GPR158: variants seen among roughly 807,000 people sequenced by gnomAD.
GPR158 encodes the protein G protein-coupled receptor 158, also known as metabotropic glycine receptor.
GPR158 carries 30 observed loss-of-function variants against 78.2 expected under a neutral mutation model. The ratio of observed to expected loss-of-function variants is 0.38; its 90% CI spans 0.29 to 0.52. The LOEUF (loss-of-function observed/expected upper bound fraction) is 0.52, where lower values mean the gene tolerates loss of function less well. GPR158 is among the 20% of genes least tolerant of loss of function. The pLI is 0.83. For synonymous variants in GPR158, 581 were observed against 591.1 expected (o/e 0.98, Z 0.25); for missense variants, 1,463 against 1,523.5 (o/e 0.96, Z 0.66).
intron 1 of GPR158, among the ~76,000 whole-genome samples, chr10:25,209,635 GT>G (rs78189613): frequency 6.6e-6 from 1 of 152,092 alleles, no homozygotes; most frequent in African/African-American, 2.4e-5. Flanking sequence ...TTAGTTAACT[GT>G]TGATATTATA....
chr10:25,539,521 A>ATTTTT (rs35477926), intron 5 of GPR158, among the ~76,000 whole-genome samples: 1 of 141,450 alleles, frequency 7.1e-6, no homozygotes, highest in Non-Finnish European at 1.5e-5. Flanking sequence ...ACCCCTTTTA[A>ATTTTT]TTTTTTTTTT....
At position 25,412,353 on chromosome 10, in the gene GPR158, C is replaced by G. The variant is rs748595841; in HGVS notation, c.1215C>G (p.Asp405Glu). The G allele has an allele frequency of 1.9e-6, 3 of 1,613,692 alleles. No individual in the cohort carries two copies. The highest frequency in any genetic ancestry group is 4.5e-5 in the East Asian group (2 of 44,882). The change falls in exon 4 of 11, where the codon GAC (aspartate) becomes GAG (glutamate). Residue 405 changes from aspartate (D) to glutamate (E), a missense_variant. Transcript: ENST00000376351. ...CREGCPFCAD[D>E]SPCFVQEDKY... The stretch of plus-strand genomic sequence containing the variant: ...AGGGCTGCCCCTTCTGTGCTGATGA[C>G]AGCCCATGCTTCGTCCAGGAAGATA...
intron 2 of GPR158, among the ~76,000 whole-genome samples, chr10:25,363,833 T>TA: frequency 6.6e-6 from 1 of 151,958 alleles, no homozygotes; most frequent in Middle Eastern, 3.4e-3. Context: ...ACCCTCAGGG[T>TA]CCATGGCAAC....
At chr10:25,526,103 T>TAAAA (rs4017850) in intron 5 of GPR158, among the ~76,000 whole-genome samples, 18 of 69,202 alleles carry the variant, frequency 2.6e-4, no homozygotes, top group African/African-American at 8.3e-4. Context: ...CAATTTTGTC[T>TAAAA]AAAAAAAAAA....
Position 25,175,411 on chromosome 10 carries a change from T to C in GPR158, c.-10T>C. The stretch of plus-strand genomic sequence containing the variant: ...CCCTCCCGTTCCCTCCTCTTCTCTC[T>C]GGGAGGCAGATGGGAGCCATGGCTT... On this transcript the variant is annotated 5_prime_UTR_variant, in exon 1 of 11. Coordinates refer to ENST00000376351, the MANE Select transcript of GPR158 (RefSeq NM_020752.3). The surrounding 1 kb of genome is among the most constrained non-coding windows in gnomAD (Gnocchi z 6.4). The C allele has an allele frequency of 2.0e-6, 3 of 1,499,616 alleles. No individual in the cohort carries two copies. Among genetic ancestry groups the C allele is most frequent in the Non-Finnish European group, 2.7e-6 (3 of 1,115,358 alleles). The allele number at this position is 1,499,616 out of a possible 1,614,324, so 92.9% of individuals were successfully genotyped here.
At chr10:25,332,061 G>A (rs979276126) in intron 2 of GPR158, among the ~76,000 whole-genome samples, 1 of 151,986 alleles carries the variant, frequency 6.6e-6, no homozygotes, top group African/African-American at 2.4e-5. Context: ...ATGCTGTATG[G>A]CTCTGTGATG....
intron 2 of GPR158, among the ~76,000 whole-genome samples, chr10:25,383,568 T>C (rs1255196643): frequency 6.6e-6 from 1 of 152,180 alleles, no homozygotes; most frequent in Admixed American, 6.5e-5. Flanking sequence ...AAGATTTGAG[T>C]TGAGGAACTC....
Position 25,575,129 on chromosome 10 carries a change from T to G in GPR158, c.1753+2242T>G, listed in dbSNP as rs535313712. Among the ~76,000 whole-genome samples the G allele has an allele frequency of 6.7e-4, 102 of 151,482 alleles. 1 individual carries two copies. In the South Asian group the frequency reaches 0.014, roughly 20 times the overall value. On this transcript the variant is annotated intron_variant, in intron 7 of 10. Coordinates refer to ENST00000376351, the MANE Select transcript of GPR158 (RefSeq NM_020752.3). ...GAAATTGTATGAAACATGGAGGAAA[T>G]GCCTACCTAGAAAATAAGATAATGA...
At position 25,241,290 on chromosome 10, in the gene GPR158, T is replaced by C. The variant is rs867721082; in HGVS notation, c.1008+20133T>C. On this transcript the variant is annotated intron_variant, in intron 2 of 10. Coordinates refer to ENST00000376351, the MANE Select transcript of GPR158 (RefSeq NM_020752.3). ...TTCTTTCCTTTCTTTCTTTCTTTTC[T>C]TTTCTTTTCTTTTCTTTTCTTTTCT... 3.2e-4 allele frequency among the ~76,000 whole-genome samples: 30 copies of C among 94,856 alleles called. 1 individual carries two copies. The highest frequency in any genetic ancestry group is 9.6e-4 in the African/African-American group (23 of 24,016). The allele number at this position is 94,856 out of a possible 152,430, so 62.2% of individuals were successfully genotyped here. A position where few individuals can be genotyped will look rare whatever the true frequency, so the allele number is the denominator to read the frequency against.
At chr10:25,547,434 C>T (rs564917926) in intron 5 of GPR158, among the ~76,000 whole-genome samples, 8 of 152,142 alleles carry the variant, frequency 5.3e-5, no homozygotes, top group East Asian at 3.8e-4. Flanking sequence ...CTCCACACTC[C>T]GGAACTTTCC....
At chr10:25,269,102 C>G (rs922803816) in intron 2 of GPR158, among the ~76,000 whole-genome samples, 12 of 152,104 alleles carry the variant, frequency 7.9e-5, no homozygotes, top group African/African-American at 2.9e-4. Context: ...GAAGCTGGCA[C>G]ATGGTTAACA....
intron 2 of GPR158, among the ~76,000 whole-genome samples, chr10:25,241,173 CTTTCTTT>C (rs1442407417): frequency 7.1e-5 from 7 of 98,600 alleles, no homozygotes; most frequent in South Asian, 3.3e-4. Flanking sequence ...TTCTTTCTTT[CTTTCTTT>C]CTTTCTTTCC....
chr10:25,388,201 G>T (rs1187516209), intron 2 of GPR158, among the ~76,000 whole-genome samples: 2 of 152,184 alleles, frequency 1.3e-5, no homozygotes, highest in Non-Finnish European at 2.9e-5. Flanking sequence ...CTTATTCAGG[G>T]GTACAATAAT....
At chr10:25,273,823 A>G (rs1435869746) in intron 2 of GPR158, among the ~76,000 whole-genome samples, 1 of 151,586 alleles carries the variant, frequency 6.6e-6, no homozygotes, top group East Asian at 1.9e-4. Flanking sequence ...GGGACTATAG[A>G]TGCGCGCCAC....
At chr10:25,262,692 C>T (rs989908800) in intron 2 of GPR158, among the ~76,000 whole-genome samples, 1 of 152,176 alleles carries the variant, frequency 6.6e-6, no homozygotes, top group Non-Finnish European at 1.5e-5. Flanking sequence ...CAGTGGTTCA[C>T]TTGCTACAAT....
chr10:25,323,038 G>A (rs1338365461), intron 2 of GPR158, among the ~76,000 whole-genome samples: 2 of 152,022 alleles, frequency 1.3e-5, no homozygotes, highest in Non-Finnish European at 1.5e-5. Flanking sequence ...AGTGACATGG[G>A]GTTTCACTAT....
intron 2 of GPR158, among the ~76,000 whole-genome samples, chr10:25,273,212 A>T (rs1361372950): frequency 6.6e-6 from 1 of 152,130 alleles, no homozygotes; most frequent in Non-Finnish European, 1.5e-5. Flanking sequence ...AATGCCAGTG[A>T]TATCTCCCAA....
At chr10:25,215,053 A>G (rs1853188923) in intron 1 of GPR158, among the ~76,000 whole-genome samples, 1 of 152,218 alleles carries the variant, frequency 6.6e-6, no homozygotes, top group Non-Finnish European at 1.5e-5. Context: ...AAATTTTGTT[A>G]AAAATCTAAG....
At chr10:25,433,531 G>GT (rs1554803586) in intron 4 of GPR158, among the ~76,000 whole-genome samples, 17 of 140,376 alleles carry the variant, frequency 1.2e-4, no homozygotes, top group African/African-American at 3.8e-4. Context: ...TTTAGTTAGG[G>GT]GTGTGTGTGT....
Sources: gnomAD v4.1 joint callset for allele counts (sites outside exome capture counted in the v4.1 genomes callset) on GRCh38, gnomAD v4.1.1 for gene constraint, Gnocchi (gnomAD v3.1) non-coding constraint, MANE v1.5 for transcripts, NCBI Gene and HGNC (gene_info 2026-07-23, HGNC 2026-07-21) for gene names.